The following YIPF6 variants were observed in gnomAD, a reference collection of about 807,000 sequenced individuals.
The protein encoded by YIPF6 is protein YIPF6.
YIPF6 carries 3 observed loss-of-function variants against 16.8 expected under a neutral mutation model. The observed-to-expected ratio is 0.18, with a 90% CI of 0.08 to 0.46. The LOEUF (loss-of-function observed/expected upper bound fraction) is 0.46, where lower values mean the gene tolerates loss of function less well. YIPF6 is among the 20% of genes least tolerant of loss of function. The pLI is 0.98. For synonymous variants in YIPF6, 67 were observed against 61.9 expected, an observed-to-expected ratio of 1.08 and a Z score of -0.38; for missense variants, 145 against 184.9, an observed-to-expected ratio of 0.78 and a Z score of 1.25.
chrX:68,499,357 C>T (rs1021234996), intron 1 of YIPF6, among the ~76,000 whole-genome samples: 1 of 112,371 alleles, frequency 8.9e-6, no homozygotes, highest in East Asian at 2.8e-4. Context: ...TCTTTCCTTT[C>T]CCATCCTCCC....
chrX:68,515,221 G>T (rs1169130981), intron 3 of YIPF6: 1 of 107,614 alleles, frequency 9.3e-6, no homozygotes, highest in African/African-American at 3.4e-5. Flanking sequence ...AGCTACTCGG[G>T]AGGCTGAGGC....
Position 68,532,599 on chromosome X carries a change from C to CAAAAAAAA in YIPF6, c.*612_*619dup, listed in dbSNP as rs58273451. On this transcript the variant is annotated 3_prime_UTR_variant, in exon 7 of 7. Coordinates refer to ENST00000462683, the MANE Select transcript of YIPF6 (RefSeq NM_173834.4). ...ATCAGGGGAAATTCTACACTTGTTG[C>CAAAAAAAA]AAAAAAAAAAAAAAAAAAAGCAAAG... 2.2e-5 allele frequency: 1 copy of CAAAAAAAA among 44,454 alleles called. No homozygotes were observed. Among genetic ancestry groups the CAAAAAAAA allele is most frequent in the African/African-American group, 7.4e-5 (1 of 13,592 alleles). The allele number at this position is 44,454 out of a possible 1,213,427, so 3.7% of individuals were successfully genotyped here.
rs760618102 is a variant in YIPF6, at chrX:68,531,926, C to T, written c.638C>T (p.Ala213Val). 8.3e-7 allele frequency: 1 copy of T among 1,200,261 alleles called. No homozygotes were observed. Among genetic ancestry groups the T allele is most frequent in the African/African-American group, 1.7e-5 (1 of 57,719 alleles). Residue 213 changes from alanine (A) to valine (V), a missense_variant, in exon 7 of 7, where the codon GCC becomes GTC. Physicochemically the swap from Ala to Val is moderately conservative, Grantham distance 64. Transcript: ENST00000462683. ...LADSQPPNRR[A>V]LAVYPVFLFY... ...GATAGCCAGCCTCCAAACCGCAGAG[C>T]CCTAGCTGTTTATCCTGTTTTCCTG...
At chrX:68,524,375 G>A (rs1178544567) in intron 6 of YIPF6, among the ~76,000 whole-genome samples, 1 of 109,907 alleles carries the variant, frequency 9.1e-6, no homozygotes, top group Non-Finnish European at 1.9e-5. Flanking sequence ...CACCATGTTG[G>A]CCAGGCTGGT....
chrX:68,519,284 G>A (rs1225082598), intron 4 of YIPF6, among the ~76,000 whole-genome samples: 1 of 110,907 alleles, frequency 9.0e-6, no homozygotes, highest in East Asian at 2.8e-4. Flanking sequence ...GGAGAAGAAG[G>A]TTACACTAGA....
chrX:68,533,024 T>C lies in YIPF6; in HGVS notation c.*1025T>C, dbSNP rs1044947712. 1 of 112,267 alleles carries C rather than the reference T, an allele frequency of 8.9e-6. No homozygotes were observed. The highest frequency in any genetic ancestry group is 1.9e-5 in the Non-Finnish European group (1 of 53,281). The allele number at this position is 112,267 out of a possible 1,213,427, so 9.3% of individuals were successfully genotyped here. A position where few individuals can be genotyped will look rare whatever the true frequency, so the allele number is the denominator to read the frequency against. On this transcript the variant is annotated 3_prime_UTR_variant, in exon 7 of 7. Coordinates refer to ENST00000462683, the MANE Select transcript of YIPF6 (RefSeq NM_173834.4). ...AACAGGGAGGGATTTAGTGTTCTGA[T>C]GGCTGATTAATAGAACAGCTAGATA...
At chrX:68,506,254 A>G (rs1310247563) in intron 1 of YIPF6, among the ~76,000 whole-genome samples, 2 of 110,948 alleles carry the variant, frequency 1.8e-5, no homozygotes, top group African/African-American at 6.5e-5. Flanking sequence ...AAAAAAAAAG[A>G]AAAGGTAAAT....
At chrX:68,531,276 C>T (rs1450461318) in intron 6 of YIPF6, among the ~76,000 whole-genome samples, 1 of 110,833 alleles carries the variant, frequency 9.0e-6, no homozygotes, top group Non-Finnish European at 1.9e-5. Flanking sequence ...AGGTGCCCGC[C>T]ACCACACCTG....
At position 68,523,017 on chromosome X, in the gene YIPF6, G is replaced by C. The variant is rs974355850; in HGVS notation, c.592+100G>C. On this transcript the variant is annotated intron_variant, in intron 6 of 6. Transcript: ENST00000462683. ...AGTATAAGTCCAAAGTTAGATGTGA[G>C]TGATATGATTCTTGATAGTATTATC... 5.0e-6 allele frequency: 5 copies of C among 1,002,277 alleles called. No individual in the cohort carries two copies. The Admixed American group carries it at 1.3e-4, about 27-fold the overall frequency. 82.6% of individuals were successfully genotyped at this position (1,002,277 alleles called of 1,213,427 possible).
chrX:68,513,554 C>T (rs1014109439), intron 3 of YIPF6, 149 bp downstream of exon 3: 36 of 331,826 alleles, frequency 1.1e-4, no homozygotes, highest in Non-Finnish European at 1.5e-4. Flanking sequence ...AATCAAACTT[C>T]TGGCAGAAAT....
At chrX:68,528,142 T>C (rs1351566550) in intron 6 of YIPF6, among the ~76,000 whole-genome samples, 2 of 111,554 alleles carry the variant, frequency 1.8e-5, no homozygotes, top group East Asian at 2.8e-4. Flanking sequence ...TCTTTAAGAA[T>C]TTGTTTTATG....
rs191325721 is a variant in YIPF6, at chrX:68,518,652, A to G, written c.266-118A>G. 1.1e-4 allele frequency: 87 copies of G among 820,186 alleles called. No homozygotes were observed. The East Asian group carries it at 3.1e-3, about 30-fold the overall frequency. The allele number at this position is 820,186 out of a possible 1,213,427, so 67.6% of individuals were successfully genotyped here. ...GGGCAGGTGGTGGGAGAGGAGAGGTAGGAAGGCTTGGCCAGCCAAAGAGAG... is the reference window on the plus strand; with the variant it reads ...GGGCAGGTGGTGGGAGAGGAGAGGTGGGAAGGCTTGGCCAGCCAAAGAGAG... On this transcript the variant is annotated intron_variant, in intron 3 of 6. Transcript: ENST00000462683.
At chrX:68,527,042 C>T (rs775353985) in intron 6 of YIPF6, among the ~76,000 whole-genome samples, 4 of 111,887 alleles carry the variant, frequency 3.6e-5, no homozygotes, top group Admixed American at 2.9e-4. Flanking sequence ...TAGTTTCAGA[C>T]GGAATGGTAC....
intron 1 of YIPF6, among the ~76,000 whole-genome samples, chrX:68,507,921 C>T (rs1373749082): frequency 9.1e-6 from 1 of 110,419 alleles, no homozygotes; most frequent in Non-Finnish European, 1.9e-5. Flanking sequence ...TGATTCTTAT[C>T]TTTGTTCCTG....
chrX:68,524,159 G>C (rs2079137874), intron 6 of YIPF6, among the ~76,000 whole-genome samples: 1 of 110,887 alleles, frequency 9.0e-6, no homozygotes, highest in Non-Finnish European at 1.9e-5. Context: ...ATTTCCCAGA[G>C]ATGTGATGAT....
At chrX:68,499,227 C>G in intron 1 of YIPF6, 104 bp downstream of exon 1, 1 of 1,014,566 alleles carries the variant, frequency 9.9e-7, no homozygotes. Flanking sequence ...CTCCTTCCGC[C>G]CGGCAGGCCC....
At chrX:68,518,948 G>A in intron 4 of YIPF6, 136 bp downstream of exon 4, 1 of 561,485 alleles carries the variant, frequency 1.8e-6, no homozygotes, top group Non-Finnish European at 2.7e-6. Context: ...ATACTCCTTA[G>A]GTATTTAAGC....
chrX:68,520,297 C>A (rs1234199464), intron 4 of YIPF6, among the ~76,000 whole-genome samples: 2 of 111,941 alleles, frequency 1.8e-5, no homozygotes, highest in Non-Finnish European at 1.9e-5. Context: ...GGTAATAACA[C>A]CAAGTCCAAA....
Position 68,533,388 on chromosome X carries a change from A to C in YIPF6, c.*1389A>C, listed in dbSNP as rs989616796. On this transcript the variant is annotated 3_prime_UTR_variant, in exon 7 of 7. Coordinates refer to ENST00000462683, the MANE Select transcript of YIPF6 (RefSeq NM_173834.4). Reference sequence around the variant, plus strand: ...CATTGAGGAACTCTAATAGACAAAGATTAGGTGTCAGGCAGAAAACACTCA... The same window carrying C: ...CATTGAGGAACTCTAATAGACAAAGCTTAGGTGTCAGGCAGAAAACACTCA... The C allele has an allele frequency of 2.7e-5, 3 of 111,928 alleles. No homozygotes were observed. The highest frequency in any genetic ancestry group is 5.6e-4 in the East Asian group (2 of 3,569). 9.2% of individuals were successfully genotyped at this position (111,928 alleles called of 1,213,427 possible).
Sources: allele counts gnomAD v4.1 joint callset (sites outside exome capture counted in the v4.1 genomes callset), GRCh38; gene constraint gnomAD v4.1.1; transcripts MANE v1.5; gene names NCBI Gene and HGNC (gene_info 2026-07-23, HGNC 2026-07-21).